CLIC5: variants seen among roughly 807,000 people sequenced by gnomAD.
CLIC5 encodes the protein chloride intracellular channel protein 5.
Under a neutral mutation model 24.7 loss-of-function variants are expected in CLIC5, and 20 were observed. That is an observed-to-expected ratio of 0.81 (90% CI 0.57 to 1.18). The LOEUF (loss-of-function observed/expected upper bound fraction) is 1.18, where lower values mean the gene tolerates loss of function less well. Ranked by LOEUF, CLIC5 falls within the 50% of genes most tolerant of loss-of-function variation. CLIC5 has a pLI of 0.00. For synonymous variants in CLIC5, 159 were observed against 135.6 expected, an observed-to-expected ratio of 1.17 and a Z score of -1.20; for missense variants, 341 against 326.1, an observed-to-expected ratio of 1.05 and a Z score of -0.35.
chr6:45,945,145 G>A (rs1207791317), intron 3 of CLIC5, among the ~76,000 whole-genome samples: 5 of 152,052 alleles, frequency 3.3e-5, no homozygotes, highest in East Asian at 3.9e-4. Flanking sequence ...CCCAAAACAG[G>A]CACTGGCCAC....
chr6:46,118,129 T>C, the CLIC5 span, among the ~76,000 whole-genome samples: 82,933 of 152,136 alleles, frequency 0.55, 23,386 homozygotes, highest in Middle Eastern at 0.76. Context: ...GATGTCTCTC[T>C]TCTTCTTACA....
At chr6:46,072,783 G>T (rs1014357708) in intron 1 of CLIC5, among the ~76,000 whole-genome samples, 1 of 152,088 alleles carries the variant, frequency 6.6e-6, no homozygotes, top group African/African-American at 2.4e-5. Flanking sequence ...CTCCCACATG[G>T]GCACACAAGG....
At chr6:46,048,651 C>T (rs998409257) in intron 1 of CLIC5, among the ~76,000 whole-genome samples, 1 of 152,146 alleles carries the variant, frequency 6.6e-6, no homozygotes, top group Non-Finnish European at 1.5e-5. Flanking sequence ...AGTCCAGCTC[C>T]TGAAACCTCA....
At chr6:45,921,856 C>T (rs1413084460) in intron 4 of CLIC5, among the ~76,000 whole-genome samples, 2 of 152,172 alleles carry the variant, frequency 1.3e-5, no homozygotes, top group Non-Finnish European at 2.9e-5. Context: ...AGTTCATGTC[C>T]ACCTTTGGCA....
intron 1 of CLIC5, among the ~76,000 whole-genome samples, chr6:46,063,125 A>G (rs1762338375): frequency 6.6e-6 from 1 of 152,224 alleles, no homozygotes; most frequent in Non-Finnish European, 1.5e-5. Context: ...AGGCCAAAAT[A>G]TGTTGCTATA....
At chr6:45,956,338 G>A (rs1344771786) in intron 1 of CLIC5, among the ~76,000 whole-genome samples, 1 of 152,154 alleles carries the variant, frequency 6.6e-6, no homozygotes, top group Non-Finnish European at 1.5e-5. Context: ...GGCTGCCCTG[G>A]AAACCATGGC....
At chr6:45,965,618 C>G (rs566406707) in intron 1 of CLIC5, among the ~76,000 whole-genome samples, 70 of 152,262 alleles carry the variant, frequency 4.6e-4, no homozygotes, top group Non-Finnish European at 9.7e-4. Context: ...CACAGGAAAC[C>G]AAAGAGCAAT....
chr6:45,961,975 A>G (rs1764857326), intron 1 of CLIC5, among the ~76,000 whole-genome samples: 1 of 151,900 alleles, frequency 6.6e-6, no homozygotes, highest in Admixed American at 6.6e-5. Context: ...TTCTAGGTAT[A>G]TTGGTCAGAG....
intron 1 of CLIC5, among the ~76,000 whole-genome samples, chr6:45,974,640 G>A (rs1038073460): frequency 6.6e-6 from 1 of 151,168 alleles, no homozygotes. Context: ...AGTTTCTTCA[G>A]GTGGGTGCAT....
chr6:45,916,189 G>A (rs1000241175), intron 4 of CLIC5, among the ~76,000 whole-genome samples: 21 of 152,180 alleles, frequency 1.4e-4, no homozygotes, highest in Admixed American at 2.6e-4. Flanking sequence ...TGGAGGTTGG[G>A]CATAGTTTCT....
At chr6:46,005,980 G>GTATATATATATATATATATATTTATATA (rs35395134) in intron 1 of CLIC5, among the ~76,000 whole-genome samples, 48 of 117,686 alleles carry the variant, frequency 4.1e-4, no homozygotes, top group Non-Finnish European at 4.9e-4. Context: ...GCCTATGTGT[G>GTATATATATATATATATATATTTATATA]TATATATATA....
intron 3 of CLIC5, among the ~76,000 whole-genome samples, chr6:45,948,711 C>T (rs3798265): frequency 0.059 from 8,923 of 152,164 alleles, 381 homozygotes; most frequent in South Asian, 0.14. Context: ...TATAGCTCTA[C>T]GGTCTATACT....
chr6:45,947,622 T>G (rs570137989), intron 3 of CLIC5, among the ~76,000 whole-genome samples: 13 of 152,320 alleles, frequency 8.5e-5, no homozygotes, highest in African/African-American at 3.1e-4. Flanking sequence ...AACTGCGTCA[T>G]GAACTTTCCT....
At chr6:46,104,646 G>A in the CLIC5 span, among the ~76,000 whole-genome samples, 1 of 148,898 alleles carries the variant, frequency 6.7e-6, no homozygotes, top group South Asian at 2.1e-4. Context: ...TCCATAAAGA[G>A]GCAAAGACTC....
chr6:45,913,357 T>C (rs1264267253), intron 5 of CLIC5, among the ~76,000 whole-genome samples: 1 of 152,226 alleles, frequency 6.6e-6, no homozygotes, highest in Non-Finnish European at 1.5e-5. Context: ...ATACAACTAC[T>C]GTCTTCAAAT....
At chr6:46,120,546 C>G in the CLIC5 span, among the ~76,000 whole-genome samples, 1 of 152,222 alleles carries the variant, frequency 6.6e-6, no homozygotes, top group South Asian at 2.1e-4. Flanking sequence ...CAAAGGAATG[C>G]AGCTCCTCAA....
chr6:46,090,526 T>C, the CLIC5 span, among the ~76,000 whole-genome samples: 4 of 152,204 alleles, frequency 2.6e-5, no homozygotes, highest in South Asian at 8.3e-4. Context: ...AATTCGCCTT[T>C]TACTTATTTT....
At chr6:46,041,696 C>T (rs1767813146) in intron 1 of CLIC5, among the ~76,000 whole-genome samples, 1 of 152,056 alleles carries the variant, frequency 6.6e-6, no homozygotes, top group Admixed American at 6.5e-5. Flanking sequence ...CCTAAAGCCC[C>T]GAGTATTGAT....
intron 5 of CLIC5, among the ~76,000 whole-genome samples, chr6:45,906,225 A>G (rs1762655766): frequency 6.6e-6 from 1 of 152,142 alleles, no homozygotes; most frequent in African/African-American, 2.4e-5. Context: ...AATTTTTAGA[A>G]TAGTTTTTTC....
Sources: allele counts gnomAD v4.1 joint callset (sites outside exome capture counted in the v4.1 genomes callset), GRCh38; gene constraint gnomAD v4.1.1; transcripts MANE v1.5; gene names NCBI Gene and HGNC (gene_info 2026-07-23, HGNC 2026-07-21).